The following SNX9 variants were observed in gnomAD, a reference collection of about 807,000 sequenced individuals.
SNX9 encodes the protein sorting nexin-9.
SNX9 carries 44 observed loss-of-function variants against 89.4 expected under a neutral mutation model. The ratio of observed to expected loss-of-function variants is 0.49; its 90% CI spans 0.39 to 0.63. SNX9 has a LOEUF of 0.63. Ranked by LOEUF, SNX9 falls within the 30% of genes least tolerant of loss-of-function variation. The pLI, the probability that SNX9 is intolerant of heterozygous loss-of-function variation, is 0.00. For missense variants in SNX9, 578 were observed against 736.1 expected (o/e 0.79, Z 2.49); for synonymous variants, 236 against 247.8 (o/e 0.95, Z 0.45).
rs186407759 is a variant in SNX9, at chr6:157,865,463, G to A, written c.13-2084G>A. On this transcript the variant is annotated intron_variant, in intron 1 of 17. Transcript: ENST00000392185. Reference sequence around the variant, plus strand: ...TCTTCATGACGCCCTGAGGGGAGCCGTCCTGCTGGCCTGGGCGCCCTGCCA... The same window carrying A: ...TCTTCATGACGCCCTGAGGGGAGCCATCCTGCTGGCCTGGGCGCCCTGCCA... 3.9e-5 allele frequency among the ~76,000 whole-genome samples: 6 copies of A among 151,994 alleles called. 1 individual carries two copies. The highest frequency in any genetic ancestry group is 5.9e-5 in the Non-Finnish European group (4 of 68,014).
intron 1 of SNX9, among the ~76,000 whole-genome samples, chr6:157,861,903 A>G (rs932538295): frequency 3.3e-5 from 5 of 152,206 alleles, no homozygotes; most frequent in African/African-American, 1.2e-4. Context: ...GATGACCTGA[A>G]GATGAGCACT....
At chr6:157,869,499 C>G (rs768739508) in intron 2 of SNX9, among the ~76,000 whole-genome samples, 1 of 152,140 alleles carries the variant, frequency 6.6e-6, no homozygotes, top group Non-Finnish European at 1.5e-5. Context: ...GAACCAAGGC[C>G]CCCAAGGCTA....
At chr6:157,826,634 A>G (rs1454558873) in intron 1 of SNX9, among the ~76,000 whole-genome samples, 1 of 146,930 alleles carries the variant, frequency 6.8e-6, no homozygotes, top group Non-Finnish European at 1.5e-5. Context: ...AGTGCAATCA[A>G]GTCTTGTTTT....
rs185878653 is a variant in SNX9 at position 157,899,646 on chromosome 6, C to T, written c.473-2252C>T. On this transcript the variant is annotated intron_variant, in intron 5 of 17. Coordinates refer to ENST00000392185, the MANE Select transcript of SNX9 (RefSeq NM_016224.5). Reference sequence around the variant, plus strand: ...AAAATTAGCCGGGTGTGGTGGCAGGCGCCTGTAGTCCCAGCTACTCGGGAA... The same window carrying T: ...AAAATTAGCCGGGTGTGGTGGCAGGTGCCTGTAGTCCCAGCTACTCGGGAA... Among the ~76,000 whole-genome samples the T allele has an allele frequency of 9.4e-4, 143 of 152,108 alleles. 1 individual carries two copies. The highest frequency in any genetic ancestry group is 7.4e-3 in the East Asian group (38 of 5,164).
chr6:157,944,768 G>A lies in SNX9; in HGVS notation c.*1930G>A. 6.6e-6 allele frequency: 1 copy of A among 152,242 alleles called. No individual in the cohort carries two copies. 9.4% of individuals were successfully genotyped at this position (152,242 alleles called of 1,614,324 possible). On this transcript the variant is annotated 3_prime_UTR_variant, in exon 18 of 18. Coordinates refer to ENST00000392185, the MANE Select transcript of SNX9 (RefSeq NM_016224.5). ...GTCTGACTCTCGGATATTTGGATTT[G>A]ACTGGTGTGAGGCAAAGTGAAAAAG...
chr6:157,841,924 CT>C (rs1781711574), intron 1 of SNX9, among the ~76,000 whole-genome samples: 1 of 152,142 alleles, frequency 6.6e-6, no homozygotes, highest in Non-Finnish European at 1.5e-5. Flanking sequence ...TGACACTCCC[CT>C]GTGTACTCAT....
In SNX9 at chr6:157,853,801, A is replaced by C. The variant is rs548965331; in HGVS notation, c.13-13746A>C. ...TGTACATGTAATGTTTAAAAAAAAA[A>C]AACAACAAAGGTGGTGATAGCCTGC... On this transcript the variant is annotated intron_variant, in intron 1 of 17. Transcript: ENST00000392185. 2.8e-3 allele frequency among the ~76,000 whole-genome samples: 425 copies of C among 152,224 alleles called. 2 individuals are homozygous for C. Among genetic ancestry groups the C allele is most frequent in the African/African-American group, 9.2e-3 (383 of 41,556 alleles).
At chr6:157,920,684 C>T (rs961380767) in intron 9 of SNX9, among the ~76,000 whole-genome samples, 1 of 152,156 alleles carries the variant, frequency 6.6e-6, no homozygotes, top group Non-Finnish European at 1.5e-5. Flanking sequence ...TTTATAGTTG[C>T]TTTTGAGGGG....
chr6:157,858,517 C>T (rs1226977411), intron 1 of SNX9, among the ~76,000 whole-genome samples: 1 of 152,046 alleles, frequency 6.6e-6, no homozygotes, highest in Non-Finnish European at 1.5e-5. Context: ...CCACCATGCC[C>T]GGCCATTGTC....
At chr6:157,909,335 CCTT>C (rs2115178782) in intron 7 of SNX9, among the ~76,000 whole-genome samples, 1 of 152,300 alleles carries the variant, frequency 6.6e-6, no homozygotes, top group Non-Finnish European at 1.5e-5. Context: ...AAAAACTAGT[CCTT>C]CATCACGTGT....
intron 1 of SNX9, among the ~76,000 whole-genome samples, chr6:157,833,466 T>C (rs1185885799): frequency 1.3e-5 from 2 of 152,146 alleles, no homozygotes; most frequent in East Asian, 1.9e-4. Context: ...ATTACAAATA[T>C]TATTTTGTAA....
At chr6:157,847,883 A>G (rs754333018) in intron 1 of SNX9, among the ~76,000 whole-genome samples, 2 of 152,142 alleles carry the variant, frequency 1.3e-5, no homozygotes, top group Non-Finnish European at 2.9e-5. Flanking sequence ...CTCTTGGTAA[A>G]TGTACCTTTG....
At chr6:157,891,732 G>C (rs1210757561) in intron 4 of SNX9, among the ~76,000 whole-genome samples, 8 of 152,266 alleles carry the variant, frequency 5.3e-5, no homozygotes, top group African/African-American at 9.6e-5. Context: ...CTGGATGTCA[G>C]CCAGCAGGCT....
intron 1 of SNX9, among the ~76,000 whole-genome samples, chr6:157,836,998 TG>T (rs1305252899): frequency 2.0e-5 from 3 of 152,136 alleles, no homozygotes; most frequent in Non-Finnish European, 2.9e-5. Context: ...AGAAAGAACT[TG>T]GGTTCTGTCC....
chr6:157,827,896 C>T (rs1305875403), intron 1 of SNX9, among the ~76,000 whole-genome samples: 9 of 148,664 alleles, frequency 6.1e-5, no homozygotes, highest in African/African-American at 2.2e-4. Flanking sequence ...GGTTCCAATA[C>T]CTAAAGTTAT....
intron 6 of SNX9, among the ~76,000 whole-genome samples, chr6:157,903,164 T>A (rs1308869795): frequency 6.6e-6 from 1 of 152,196 alleles, no homozygotes; most frequent in African/African-American, 2.4e-5. Context: ...CAGTTATGTT[T>A]AGTTTATTTT....
chr6:157,828,267 G>C (rs1165528232), intron 1 of SNX9, among the ~76,000 whole-genome samples: 1 of 151,826 alleles, frequency 6.6e-6, no homozygotes, highest in African/African-American at 2.4e-5. Flanking sequence ...AGATGAACAA[G>C]TCTCATTAAA....
intron 9 of SNX9, among the ~76,000 whole-genome samples, chr6:157,919,178 G>C (rs763563348): frequency 6.6e-6 from 1 of 152,054 alleles, no homozygotes; most frequent in African/African-American, 2.4e-5. Context: ...ATTTATCTGG[G>C]TATGTCTTTA....
intron 7 of SNX9, 47 bp downstream of exon 7, chr6:157,906,259 C>T (rs767759700): frequency 4.2e-6 from 6 of 1,444,744 alleles, no homozygotes; most frequent in Admixed American, 4.1e-5. Flanking sequence ...TAAGCTCTTT[C>T]TTATACCGTA....
Sources: gnomAD v4.1 joint callset for allele counts (sites outside exome capture counted in the v4.1 genomes callset) on GRCh38, gnomAD v4.1.1 for gene constraint, MANE v1.5 for transcripts, NCBI Gene and HGNC (gene_info 2026-07-23, HGNC 2026-07-21) for gene names.